Variants in ADAMTSL1 observed in about 807,000 individuals in gnomAD.
ADAMTSL1 encodes the protein ADAMTS like 1.
Under a neutral mutation model 201.8 loss-of-function variants are expected in ADAMTSL1, and 126 were observed. That is an observed-to-expected ratio of 0.62 (90% CI 0.54 to 0.72). The LOEUF (loss-of-function observed/expected upper bound fraction) is 0.72, where lower values mean the gene tolerates loss of function less well. Ranked by LOEUF, ADAMTSL1 falls within the 30% of genes least tolerant of loss-of-function variation. The pLI is 0.00. For missense variants in ADAMTSL1, 2,679 were observed against 2,277.8 expected (o/e 1.18, Z -3.59); for synonymous variants, 1,121 against 903.4 (o/e 1.24, Z -4.32).
At chr9:17,931,140 A>C (rs1826766595) in intron 1 of ADAMTSL1, among the ~76,000 whole-genome samples, 1 of 152,170 alleles carries the variant, frequency 6.6e-6, no homozygotes, top group African/African-American at 2.4e-5. Context: ...ACAACAAGGC[A>C]ATTGTAACCG....
At chr9:18,175,708 C>T (rs943905033) in intron 2 of ADAMTSL1, among the ~76,000 whole-genome samples, 1 of 152,146 alleles carries the variant, frequency 6.6e-6, no homozygotes, top group Non-Finnish European at 1.5e-5. Flanking sequence ...GTCCTACCTG[C>T]TCCAGGAAGC....
intron 14 of ADAMTSL1, among the ~76,000 whole-genome samples, chr9:18,713,614 C>T (rs1832739911): frequency 6.6e-6 from 1 of 150,636 alleles, no homozygotes; most frequent in East Asian, 1.9e-4. Flanking sequence ...CCTGAGTGAC[C>T]TACAAAGAGA....
At chr9:18,561,224 A>G (rs781500739) in intron 3 of ADAMTSL1, among the ~76,000 whole-genome samples, 27 of 152,086 alleles carry the variant, frequency 1.8e-4, no homozygotes, top group Non-Finnish European at 3.2e-4. Context: ...AGATTTTGGT[A>G]TGTTGTCTCT....
In ADAMTSL1 at chr9:18,222,643, TC is replaced by T. The variant is rs1164229315; in HGVS notation, c.207+58663del. ...TATTTGTTTCAATTTACTCATATAC[TC>T]TTTTTTTTTTTTTTTTTGCCATTCC... On this transcript the variant is annotated intron_variant, in intron 2 of 29. Coordinates refer to the ADAMTSL1 transcript ENST00000680146. Among the ~76,000 whole-genome samples the T allele has an allele frequency of 4.7e-3, 648 of 138,754 alleles. 4 individuals are homozygous for T. The highest frequency in any genetic ancestry group is 0.017 in the African/African-American group (588 of 35,474). 91.0% of individuals were successfully genotyped at this position (138,754 alleles called of 152,430 possible). A position where few individuals can be genotyped will look rare whatever the true frequency, so the allele number is the denominator to read the frequency against.
At chr9:18,414,367 C>A (rs1818580525) in intron 2 of ADAMTSL1, among the ~76,000 whole-genome samples, 1 of 151,974 alleles carries the variant, frequency 6.6e-6, no homozygotes, top group Non-Finnish European at 1.5e-5. Flanking sequence ...CAGATATAAT[C>A]TTTATGTATT....
At chr9:18,850,141 C>T (rs1236589025) in intron 23 of ADAMTSL1, among the ~76,000 whole-genome samples, 1 of 152,152 alleles carries the variant, frequency 6.6e-6, no homozygotes, top group African/African-American at 2.4e-5. Flanking sequence ...TATTTAAAGA[C>T]GCTAGATAGG....
At chr9:18,110,879 A>G (rs551576098) in intron 1 of ADAMTSL1, among the ~76,000 whole-genome samples, 1 of 152,142 alleles carries the variant, frequency 6.6e-6, no homozygotes, top group African/African-American at 2.4e-5. Context: ...CCCTCCCATA[A>G]TATGTATCAG....
At chr9:18,134,517 AT>A (rs1826076594) in intron 1 of ADAMTSL1, among the ~76,000 whole-genome samples, 1 of 152,132 alleles carries the variant, frequency 6.6e-6, no homozygotes, top group African/African-American at 2.4e-5. Context: ...CAGTTATATA[AT>A]TTGTTGAGAT....
At chr9:18,827,558 A>G (rs1046707087) in intron 22 of ADAMTSL1, among the ~76,000 whole-genome samples, 3 of 152,176 alleles carry the variant, frequency 2.0e-5, no homozygotes, top group African/African-American at 7.2e-5. Context: ...GCTGGGTTTC[A>G]TCCAGCTGAG....
chr9:18,287,831 A>G (rs1833079723), intron 2 of ADAMTSL1, among the ~76,000 whole-genome samples: 1 of 152,192 alleles, frequency 6.6e-6, no homozygotes, highest in African/African-American at 2.4e-5. Context: ...TAATATAATC[A>G]TAGTAAATTA....
rs1826775620 is a variant in ADAMTSL1 at position 18,855,364 on chromosome 9, T to C, written c.4249+25387T>C. ...GGGTTATAGGTAACATTCCTGAAAA[T>C]AGAAAAGGATTCTTGCTCTTTTTGA... On this transcript the variant is annotated intron_variant, in intron 23 of 28. Coordinates refer to ENST00000380548, the MANE Select transcript of ADAMTSL1 (RefSeq NM_001040272.6). Among the ~76,000 whole-genome samples the C allele has an allele frequency of 2.0e-5, 3 of 152,152 alleles. No individual in the cohort carries two copies. The South Asian group carries it at 6.2e-4, about 32-fold the overall frequency.
intron 2 of ADAMTSL1, among the ~76,000 whole-genome samples, chr9:18,244,826 G>A (rs1563831905): frequency 6.6e-6 from 1 of 151,974 alleles, no homozygotes; most frequent in Non-Finnish European, 1.5e-5. Flanking sequence ...TAGATCTCTT[G>A]TCATTCCCCT....
chr9:18,387,939 G>A (rs968319876), intron 2 of ADAMTSL1, among the ~76,000 whole-genome samples: 4 of 128,722 alleles, frequency 3.1e-5, no homozygotes, highest in Non-Finnish European at 7.6e-5. Flanking sequence ...TCTGTATTTT[G>A]AGGCTGCATT....
chr9:18,372,464 C>T (rs1423517446), intron 2 of ADAMTSL1, among the ~76,000 whole-genome samples: 1 of 152,152 alleles, frequency 6.6e-6, no homozygotes, highest in African/African-American at 2.4e-5. Flanking sequence ...GAATCATCTA[C>T]ATTTCATAGC....
chr9:17,926,087 G>C (rs1026411510), intron 1 of ADAMTSL1, among the ~76,000 whole-genome samples: 2 of 151,972 alleles, frequency 1.3e-5, no homozygotes, highest in African/African-American at 4.8e-5. Flanking sequence ...TGACTCATGC[G>C]GTCTGTGATG....
intron 2 of ADAMTSL1, among the ~76,000 whole-genome samples, chr9:18,240,403 C>T (rs531986587): frequency 3.3e-5 from 5 of 151,356 alleles, no homozygotes; most frequent in East Asian, 2.0e-4. Context: ...GTAAACCATG[C>T]TATAAATAGA....
intron 3 of ADAMTSL1, among the ~76,000 whole-genome samples, chr9:18,537,346 G>A (rs1291972706): frequency 6.6e-6 from 1 of 152,188 alleles, no homozygotes; most frequent in Non-Finnish European, 1.5e-5. Flanking sequence ...GAAGAAAACA[G>A]CTATGTGAAT....
intron 23 of ADAMTSL1, among the ~76,000 whole-genome samples, chr9:18,855,869 T>C (rs887598535): frequency 6.6e-6 from 1 of 152,142 alleles, no homozygotes; most frequent in East Asian, 1.9e-4. Flanking sequence ...TCAAGAGAGA[T>C]AAACCAGCAC....
Position 18,853,889 on chromosome 9 carries a change from C to CTGTGTGTGTGTG in ADAMTSL1, c.4249+23931_4249+23942dup, listed in dbSNP as rs71333070. On this transcript the variant is annotated intron_variant, in intron 23 of 28. Coordinates refer to ENST00000380548, the MANE Select transcript of ADAMTSL1 (RefSeq NM_001040272.6). ...TGTGGAGTCTACTTGTATTCACTCT[C>CTGTGTGTGTGTG]TGTGTGTGTGTGTGTGTGTGTGTGT... 5.4e-3 allele frequency among the ~76,000 whole-genome samples: 654 copies of CTGTGTGTGTGTG among 120,330 alleles called. 3 individuals are homozygous for CTGTGTGTGTGTG. The highest frequency in any genetic ancestry group is 0.015 in the African/African-American group (576 of 37,822). 78.9% of individuals were successfully genotyped at this position (120,330 alleles called of 152,430 possible). A position where few individuals can be genotyped will look rare whatever the true frequency, so the allele number is the denominator to read the frequency against.
Sources: gnomAD v4.1 joint callset for allele counts (sites outside exome capture counted in the v4.1 genomes callset) on GRCh38, gnomAD v4.1.1 for gene constraint, MANE v1.5 for transcripts, NCBI Gene and HGNC (gene_info 2026-07-23, HGNC 2026-07-21) for gene names.